CAB39: variants seen among roughly 807,000 people sequenced by gnomAD.
The protein encoded by CAB39 is calcium binding protein 39.
A neutral mutation model predicts 40.0 loss-of-function variants in CAB39; 8 were observed. The ratio of observed to expected loss-of-function variants is 0.20; its 90% CI spans 0.12 to 0.36. The LOEUF (loss-of-function observed/expected upper bound fraction) is 0.36. Ranked by LOEUF, CAB39 falls within the 10% of genes least tolerant of loss-of-function variation. The pLI is 1.00. For missense variants in CAB39, 270 were observed against 401.1 expected, an observed-to-expected ratio of 0.67 and a Z score of 2.79; for synonymous variants, 156 against 141.6, an observed-to-expected ratio of 1.10 and a Z score of -0.72.
rs1026518556 is a variant in CAB39, at chr2:230,765,567, G to A, written c.114+5452G>A. ...GGTTATGTAGGGAAAGTCTTGTTGA[G>A]AAGGTGACATTGAAAATGAGTCTTG... is the stretch of plus-strand genomic sequence containing the variant. On this transcript the variant is annotated intron_variant, in intron 2 of 8. Transcript: ENST00000258418. Among the ~76,000 whole-genome samples, 4 of 152,032 alleles carry A rather than the reference G, an allele frequency of 2.6e-5. No homozygotes were observed. The East Asian group carries it at 7.7e-4, about 29-fold the overall frequency.
rs549603797 is a variant in CAB39 at position 230,784,106 on chromosome 2, T to C, written c.115-6766T>C. ...GTTATGGGAACTTTGATTTGGGTGG[T>C]GATGGTAGACGGGGATAAATGGATG... On this transcript the variant is annotated intron_variant, in intron 2 of 8. Transcript: ENST00000258418. Among the ~76,000 whole-genome samples, 3 of 152,210 alleles carry C rather than the reference T, an allele frequency of 2.0e-5. No homozygotes were observed. The East Asian group carries it at 5.8e-4, about 29-fold the overall frequency.
chr2:230,763,725 C>T (rs1354730784), intron 2 of CAB39, among the ~76,000 whole-genome samples: 2 of 152,124 alleles, frequency 1.3e-5, no homozygotes, highest in African/African-American at 2.4e-5. Flanking sequence ...TTCTTGATTG[C>T]ATTACAGAAC....
At chr2:230,722,643 A>G (rs1694474553) in intron 1 of CAB39, among the ~76,000 whole-genome samples, 1 of 152,254 alleles carries the variant, frequency 6.6e-6, no homozygotes, top group South Asian at 2.1e-4. Context: ...AGTAGTTGTG[A>G]GGATTCAGTA....
chr2:230,740,403 C>T (rs989722641), intron 1 of CAB39, among the ~76,000 whole-genome samples: 2 of 152,152 alleles, frequency 1.3e-5, no homozygotes, highest in Non-Finnish European at 2.9e-5. Flanking sequence ...ATTTAAATGC[C>T]ATACTACATA....
intron 2 of CAB39, among the ~76,000 whole-genome samples, chr2:230,784,714 T>A (rs1211699319): frequency 2.6e-5 from 4 of 152,048 alleles, no homozygotes; most frequent in Non-Finnish European, 5.9e-5. Flanking sequence ...GAATGAAGTT[T>A]TTGGTGTCGG....
intron 2 of CAB39, among the ~76,000 whole-genome samples, chr2:230,783,766 T>C (rs1001199776): frequency 6.6e-6 from 1 of 152,144 alleles, no homozygotes; most frequent in Non-Finnish European, 1.5e-5. Context: ...CCTCCCAAAG[T>C]GCTGGGATTA....
intron 1 of CAB39, among the ~76,000 whole-genome samples, chr2:230,756,619 CA>C (rs1695194805): frequency 6.6e-6 from 1 of 152,144 alleles, no homozygotes; most frequent in Non-Finnish European, 1.5e-5. Context: ...AGAATTATTA[CA>C]CTCATACTTT....
chr2:230,802,101 G>A (rs1294595689), intron 5 of CAB39, among the ~76,000 whole-genome samples: 1 of 152,004 alleles, frequency 6.6e-6, no homozygotes, highest in Non-Finnish European at 1.5e-5. Flanking sequence ...CTAAAGAGAT[G>A]GTTTCTGCCA....
intron 2 of CAB39, among the ~76,000 whole-genome samples, chr2:230,768,611 A>G (rs1358887956): frequency 1.3e-5 from 2 of 152,232 alleles, no homozygotes; most frequent in Non-Finnish European, 2.9e-5. Context: ...GTGAAAGACA[A>G]AAATTGGAGG....
chr2:230,772,863 A>G (rs553128373), intron 2 of CAB39, among the ~76,000 whole-genome samples: 3 of 152,094 alleles, frequency 2.0e-5, no homozygotes, highest in Admixed American at 1.3e-4. Flanking sequence ...GAGAACAAGA[A>G]ATATATGTTC....
chr2:230,754,318 C>CCTTCTTCCTTCTTCTTCCTTCCT (rs1337718521), intron 1 of CAB39, among the ~76,000 whole-genome samples: 1 of 149,780 alleles, frequency 6.7e-6, no homozygotes, highest in South Asian at 2.1e-4. Context: ...CTTCCTTCTT[C>CCTTCTTCCTTCTTCTTCCTTCCT]CTTCTTCCTT....
chr2:230,730,381 C>T (rs1694665448), intron 1 of CAB39, among the ~76,000 whole-genome samples: 1 of 151,862 alleles, frequency 6.6e-6, no homozygotes, highest in Non-Finnish European at 1.5e-5. Flanking sequence ...ATTAAGCTAC[C>T]CTTTATATGA....
chr2:230,718,892 G>T (rs573019880), intron 1 of CAB39, among the ~76,000 whole-genome samples: 4 of 152,286 alleles, frequency 2.6e-5, no homozygotes, highest in African/African-American at 7.2e-5. Context: ...CCACAGGACT[G>T]AATCTGGAGC....
intron 1 of CAB39, among the ~76,000 whole-genome samples, chr2:230,751,918 G>A (rs576526494): frequency 1.3e-5 from 2 of 150,986 alleles, no homozygotes; most frequent in Non-Finnish European, 2.9e-5. Context: ...ATCCTTTAAT[G>A]TTTGAATTTT....
rs1695057631 is a variant in CAB39, at chr2:230,749,959, T to C, written c.-43-10000T>C. On this transcript the variant is annotated intron_variant, in intron 1 of 8. Transcript: ENST00000258418. Reference sequence around the variant, plus strand: ...CTTTGAAGTCCCAGCTTTTTCGCTTTACTAGCTAGTTTCATGATATTTGAA... The same window carrying C: ...CTTTGAAGTCCCAGCTTTTTCGCTTCACTAGCTAGTTTCATGATATTTGAA... Among the ~76,000 whole-genome samples the C allele has an allele frequency of 1.3e-5, 2 of 152,230 alleles. 1 individual carries two copies. The highest frequency in any genetic ancestry group is 4.1e-4 in the South Asian group (2 of 4,832).
chr2:230,820,658 T>C lies in CAB39; in HGVS notation c.*1954T>C, dbSNP rs1402670184. 6.6e-6 allele frequency: 1 copy of C among 152,668 alleles called. No individual in the cohort carries two copies. The highest frequency in any genetic ancestry group is 1.5e-5 in the Non-Finnish European group (1 of 68,050). 9.5% of individuals were successfully genotyped at this position (152,668 alleles called of 1,614,324 possible). ...TACACATCTAGAACAGCTTCCACTT[T>C]GGCAGTGAGGTCGTAGCCTTTTAGG... On this transcript the variant is annotated 3_prime_UTR_variant, in exon 9 of 9. Coordinates refer to ENST00000258418, the MANE Select transcript of CAB39 (RefSeq NM_016289.4).
At chr2:230,748,534 G>A (rs572826088) in intron 1 of CAB39, among the ~76,000 whole-genome samples, 5 of 152,056 alleles carry the variant, frequency 3.3e-5, no homozygotes, top group South Asian at 2.1e-4. Flanking sequence ...GGTTGGGTGC[G>A]GTGGCTCATG....
At chr2:230,775,912 G>A (rs527436980) in intron 2 of CAB39, among the ~76,000 whole-genome samples, 6 of 152,250 alleles carry the variant, frequency 3.9e-5, no homozygotes, top group Admixed American at 3.9e-4. Flanking sequence ...AGGGACTTGG[G>A]GGCGCAGATA....
chr2:230,762,555 T>C (rs1695313996), intron 2 of CAB39, among the ~76,000 whole-genome samples: 1 of 152,138 alleles, frequency 6.6e-6, no homozygotes, highest in Non-Finnish European at 1.5e-5. Context: ...CCCCACAGAG[T>C]AGACATGATA....
Sources: allele counts gnomAD v4.1 joint callset (sites outside exome capture counted in the v4.1 genomes callset), GRCh38; gene constraint gnomAD v4.1.1; transcripts MANE v1.5; gene names NCBI Gene and HGNC (gene_info 2026-07-23, HGNC 2026-07-21).